Variants in CAMTA2 observed in about 807,000 individuals in gnomAD.
CAMTA2 encodes the protein calmodulin-binding transcription activator 2.
Under a neutral mutation model 135.7 loss-of-function variants are expected in CAMTA2, and 56 were observed. The ratio of observed to expected loss-of-function variants is 0.41; its 90% CI spans 0.33 to 0.52. The LOEUF is 0.52. CAMTA2 is among the 20% of genes least tolerant of loss of function. The probability of loss-of-function intolerance (pLI) is 0.16; values close to 1 mark genes in which losing one functional copy is unlikely to be tolerated. For synonymous variants in CAMTA2, 591 were observed against 604.6 expected, an observed-to-expected ratio of 0.98 and a Z score of 0.33; for missense variants, 1,358 against 1,553.4, an observed-to-expected ratio of 0.87 and a Z score of 2.11.
chr17:4,984,817 G>C (rs547356868), intron 3 of CAMTA2, among the ~76,000 whole-genome samples: 34 of 151,594 alleles, frequency 2.2e-4, no homozygotes, highest in Non-Finnish European at 3.4e-4. Context: ...TCTAGAGTTC[G>C]AGACCAGCCT....
In CAMTA2 at chr17:4,972,752, A is replaced by C; in HGVS notation, c.2503+17T>G. 1 of 1,609,674 alleles carries C rather than the reference A, an allele frequency of 6.2e-7. No homozygotes were observed. Among genetic ancestry groups the C allele is most frequent in the Non-Finnish European group, 8.5e-7 (1 of 1,176,520 alleles). On this transcript the variant is annotated intron_variant, in intron 15 of 22. Coordinates refer to ENST00000348066, the MANE Select transcript of CAMTA2 (RefSeq NM_015099.4). ...CTACCTACATCCCTCTCTCCAAAAG[A>C]TTAGGGCCACCCTCACCAGTGTCTG...
Position 4,970,354 on chromosome 17 carries a change from G to T in CAMTA2, c.2991C>A (p.Ser997Arg), listed in dbSNP as rs749900084. The change falls in exon 17 of 23, where the codon AGC (serine) becomes AGA (arginine). Residue 997 changes from serine to arginine, a missense_variant. By Grantham distance (110) the Ser-to-Arg change is moderately radical (BLOSUM62 -1). This residue lies in a region of CAMTA2 where 1,077 missense variants were observed against 1,127.5 expected (regional missense o/e 0.96). Transcript: ENST00000348066. ...SYLENVDHFP[S>R]STPPSELPFE... is the part of the protein sequence containing the mutation. The stretch of plus-strand genomic sequence containing the variant: ...GAGCTAGTCACCTGGGAGGGGTTGA[G>T]CTGGGGAAATGGTCCACATTCTCCA... 6.2e-7 allele frequency: 1 copy of T among 1,614,210 alleles called. No individual in the cohort carries two copies. Among genetic ancestry groups the T allele is most frequent in the South Asian group, 1.1e-5 (1 of 91,084 alleles).
chr17:4,974,612 TA>T (rs1471787138), intron 11 of CAMTA2, 112 bp from the exon 12 acceptor site: 7 of 683,510 alleles, frequency 1.0e-5, no homozygotes, highest in Non-Finnish European at 1.9e-5. Flanking sequence ...CATATTCTTT[TA>T]TCTTCCCCAA....
chr17:4,982,923 G>A (rs771563850), intron 4 of CAMTA2, 31 bp from the exon 5 acceptor site: 2 of 1,614,038 alleles, frequency 1.2e-6, no homozygotes, highest in African/African-American at 1.3e-5. Flanking sequence ...CTGGAGTTCT[G>A]TGAACAGAAC....
chr17:4,970,792 T>C (rs933626585), intron 16 of CAMTA2, among the ~76,000 whole-genome samples: 20 of 152,226 alleles, frequency 1.3e-4, no homozygotes, highest in African/African-American at 4.8e-4. Context: ...AATGGAGGAC[T>C]TGACACCCTT....
intron 16 of CAMTA2, among the ~76,000 whole-genome samples, chr17:4,971,099 G>T (rs1288875036): frequency 2.0e-5 from 3 of 152,184 alleles, no homozygotes; most frequent in Non-Finnish European, 4.4e-5. Flanking sequence ...TCTAAAGCAG[G>T]TATGTCCCCA....
intron 3 of CAMTA2, chr17:4,983,666 C>T (rs1221177321): frequency 6.6e-6 from 1 of 151,904 alleles, no homozygotes; most frequent in Admixed American, 6.6e-5. Flanking sequence ...TCACTGCAAC[C>T]TCCGCCCCCC....
intron 10 of CAMTA2, 62 bp downstream of exon 10, chr17:4,978,442 T>C: frequency 1.9e-6 from 3 of 1,551,582 alleles, no homozygotes; most frequent in Non-Finnish European, 1.8e-6. Flanking sequence ...AGCCTGGAGG[T>C]CCTGATCTGT....
chr17:4,971,831 G>A lies in CAMTA2; in HGVS notation c.2808+401C>T, dbSNP rs116857629. Among the ~76,000 whole-genome samples, 54 of 151,902 alleles carry A rather than the reference G, an allele frequency of 3.6e-4. No individual in the cohort carries two copies. In the East Asian group the frequency reaches 8.3e-3, roughly 23 times the overall value. On this transcript the variant is annotated intron_variant, in intron 16 of 22. Transcript: ENST00000348066. ...AGCCTCTCAAACAGCTGGGATTACA[G>A]GCACATACCACAGTGCCCAGTTAAT...
At chr17:4,984,179 C>A (rs189033584) in intron 3 of CAMTA2, among the ~76,000 whole-genome samples, 1 of 150,710 alleles carries the variant, frequency 6.6e-6, no homozygotes, top group East Asian at 2.0e-4. Flanking sequence ...CTTGATCTCC[C>A]GACCTCGTGA....
In CAMTA2 at chr17:4,981,376, G is replaced by A. The variant is rs776932869; in HGVS notation, c.566-17C>T. On this transcript the variant is annotated splice_polypyrimidine_tract_variant and intron_variant, in intron 7 of 22. Transcript: ENST00000348066. The stretch of plus-strand genomic sequence containing the variant: ...TGCCATGAACTAGAGAAGTTAGGGG[G>A]AAGTGCTGTGGGATCCCCACGAAAC... 4 of 1,613,054 alleles carry A rather than the reference G, an allele frequency of 2.5e-6. No individual in the cohort carries two copies. The South Asian group carries it at 3.3e-5, about 13-fold the overall frequency.
At chr17:4,973,474 A>G (rs1164984870) in intron 13 of CAMTA2, 111 bp downstream of exon 13, 10 of 1,152,712 alleles carry the variant, frequency 8.7e-6, no homozygotes, top group Non-Finnish European at 1.2e-5. Flanking sequence ...CCCTTCCCAC[A>G]ATGACCCCAA....
chr17:4,972,445 G>T lies in CAMTA2; in HGVS notation c.2595C>A (p.Pro865=). ...AYSSAPDGSP[P]PAPLPASEMT... ...TCTCAGAGGCTGGCAGAGGTGCAGG[G>T]GGGGGACTGCCATCTGGGGCACTAG... is the stretch of plus-strand genomic sequence containing the variant. The change falls in exon 16 of 23, where the codon CCC becomes CCA. Residue 865 remains proline (P), a synonymous_variant. Coordinates refer to ENST00000348066, the MANE Select transcript of CAMTA2 (RefSeq NM_015099.4). 6.2e-7 allele frequency: 1 copy of T among 1,613,804 alleles called. No individual in the cohort carries two copies. The highest frequency in any genetic ancestry group is 1.3e-5 in the African/African-American group (1 of 75,060).
Position 4,974,421 on chromosome 17 carries a change from C to T in CAMTA2, c.1980G>A (p.Gln660=), listed in dbSNP as rs1414719501. 2 of 1,613,886 alleles carry T rather than the reference C, an allele frequency of 1.2e-6. No homozygotes were observed. Among genetic ancestry groups the T allele is most frequent in the Admixed American group, 1.7e-5 (1 of 60,016 alleles). The change falls in exon 12 of 23, where the codon CAG becomes CAA. Residue 660 remains glutamine (Q), a synonymous_variant. Transcript: ENST00000348066. ...KRMAEIAAAG[Q]VPCQGPDAPP... ...GAGCATCAGGACCCTGGCAAGGCAC[C>T]TGCCCAGCTGCTGCGATCTCTGCCA...
Position 4,987,606 on chromosome 17 carries a change from G to A in CAMTA2, c.-78C>T. The stretch of plus-strand genomic sequence containing the variant: ...CCTGGCTCTTACCTCCCGGGGTCCC[G>A]CGGGTGACGGCGGCAGCGGCCATTC... On this transcript the variant is annotated 5_prime_UTR_variant, in exon 1 of 23. Transcript: ENST00000348066. 2 of 1,527,520 alleles carry A rather than the reference G, an allele frequency of 1.3e-6. No homozygotes were observed. Among genetic ancestry groups the A allele is most frequent in the Non-Finnish European group, 1.7e-6 (2 of 1,142,938 alleles). 94.6% of individuals were successfully genotyped at this position (1,527,520 alleles called of 1,614,324 possible).
At position 4,972,497 on chromosome 17, in the gene CAMTA2, C is replaced by G. The variant is rs1207102910; in HGVS notation, c.2543G>C (p.Gly848Ala). 1.9e-6 allele frequency: 3 copies of G among 1,610,946 alleles called. No individual in the cohort carries two copies. In the East Asian group the frequency reaches 6.7e-5, roughly 36 times the overall value. The change falls in exon 16 of 23, where the codon GGC becomes GCC. Residue 848 changes from glycine (G) to alanine (A), a missense_variant. This residue lies in a region of CAMTA2 where 1,077 missense variants were observed against 1,127.5 expected (regional missense o/e 0.96). Transcript: ENST00000348066. ...SVSSPSELSD[G>A]TFSVTSAYSS... ...ATAGGCTGACGTGACGGAAAAGGTGCCATCCGACAGCTCCGAGGGCGAGGA... is the reference window on the plus strand; with the variant it reads ...ATAGGCTGACGTGACGGAAAAGGTGGCATCCGACAGCTCCGAGGGCGAGGA...
At chr17:4,983,505 G>A (rs1353003475) in intron 3 of CAMTA2, among the ~76,000 whole-genome samples, 3 of 151,498 alleles carry the variant, frequency 2.0e-5, no homozygotes, top group East Asian at 1.9e-4. Flanking sequence ...GGCTGGTCTC[G>A]AACTCCTGAC....
At position 4,979,903 on chromosome 17, in the gene CAMTA2, AGGTGAG is replaced by A. The variant is rs774554041; in HGVS notation, c.1413_1418del (p.Ser472_Pro473del). The A allele has an allele frequency of 1.7e-5, 18 of 1,082,806 alleles. No homozygotes were observed. The highest frequency in any genetic ancestry group is 2.0e-5 in the African/African-American group (1 of 51,002). The allele number at this position is 1,082,806 out of a possible 1,614,324, so 67.1% of individuals were successfully genotyped here. A position where few individuals can be genotyped will look rare whatever the true frequency, so the allele number is the denominator to read the frequency against. ...CCCTGCTTGACGGCTCCAAGGGGGC[AGGTGAG>A]GGTGGGGGTGAGGGAGGGGGTGAAG... On this transcript the variant is annotated inframe_deletion, in exon 9 of 23. Coordinates refer to ENST00000348066, the MANE Select transcript of CAMTA2 (RefSeq NM_015099.4).
Position 4,968,133 on chromosome 17 carries a change from T to C in CAMTA2, c.*623A>G. On this transcript the variant is annotated 3_prime_UTR_variant, in exon 23 of 23. Transcript: ENST00000348066. ...CCGTGCAGCCCTCCCCGCGGCGCCTTAAATAGATTCTTCACTATACTCTGT... is the reference window on the plus strand; with the variant it reads ...CCGTGCAGCCCTCCCCGCGGCGCCTCAAATAGATTCTTCACTATACTCTGT... The C allele has an allele frequency of 2.4e-6, 1 of 424,070 alleles. No individual in the cohort carries two copies. Among genetic ancestry groups the C allele is most frequent in the Non-Finnish European group, 4.3e-6 (1 of 231,476 alleles). 26.3% of individuals were successfully genotyped at this position (424,070 alleles called of 1,614,324 possible). A position where few individuals can be genotyped will look rare whatever the true frequency, so the allele number is the denominator to read the frequency against.
Sources: gnomAD v4.1 joint callset for allele counts (sites outside exome capture counted in the v4.1 genomes callset) on GRCh38, gnomAD v4.1.1 for gene constraint, gnomAD v4.1.1 regional missense constraint, MANE v1.5 for transcripts, NCBI Gene and HGNC (gene_info 2026-07-23, HGNC 2026-07-21) for gene names.